The following ATF6B variants were observed in gnomAD, a reference collection of about 807,000 sequenced individuals.
The protein encoded by ATF6B is cyclic AMP-dependent transcription factor ATF-6 beta.
A neutral mutation model predicts 83.5 loss-of-function variants in ATF6B; 50 were observed. The observed-to-expected ratio is 0.60, with a 90% CI of 0.48 to 0.76. The LOEUF (loss-of-function observed/expected upper bound fraction) is 0.76, where lower values mean the gene tolerates loss of function less well. ATF6B is among the 30% of genes least tolerant of loss of function. The pLI, the probability that ATF6B is intolerant of heterozygous loss-of-function variation, is 0.00. For synonymous variants in ATF6B, 344 were observed against 362.8 expected (o/e 0.95, Z 0.59); for missense variants, 790 against 893.8 (o/e 0.88, Z 1.48).
rs1400961695 is a variant in ATF6B, at chr6:32,118,658, G to A, written c.1244+117C>T. 9.8e-7 allele frequency: 1 copy of A among 1,016,660 alleles called. No homozygotes were observed. Among genetic ancestry groups the A allele is most frequent in the South Asian group, 1.4e-5 (1 of 71,618 alleles). The allele number at this position is 1,016,660 out of a possible 1,614,324, so 63.0% of individuals were successfully genotyped here. ...GGCCAGACACATCATCGGTGCCAAGGACACCAGAACCATTTGTATATAAGC... is the reference window on the plus strand; with the variant it reads ...GGCCAGACACATCATCGGTGCCAAGAACACCAGAACCATTTGTATATAAGC... On this transcript the variant is annotated intron_variant, in intron 11 of 17. Transcript: ENST00000375203. This position sits in a 1 kb window ranked among gnomAD's most constrained non-coding sequence, Gnocchi z 5.2.
At chr6:32,127,275 G>T (rs1012312478) in intron 3 of ATF6B, 81 bp from the exon 4 acceptor site, 28 of 1,411,836 alleles carry the variant, frequency 2.0e-5, no homozygotes, top group African/African-American at 1.0e-4. Flanking sequence ...TGTCGGTGGG[G>T]ATTCCTGTAC....
chr6:32,121,215 G>C (rs1781753042), intron 6 of ATF6B, 48 bp downstream of exon 6: 2 of 1,610,830 alleles, frequency 1.2e-6, no homozygotes, highest in Non-Finnish European at 8.5e-7. Context: ...TCTAGGTCAG[G>C]AGGAACTCAC....
rs557710542 is a variant in ATF6B at position 32,118,927 on chromosome 6, T to G, written c.1152+29A>C. 2.8e-5 allele frequency: 45 copies of G among 1,614,144 alleles called. No homozygotes were observed. In the Admixed American group the frequency reaches 3.5e-4, roughly 13 times the overall value. ...TCATTCCAAGGAGGCTGTATTCCTG[T>G]TGGTCTCCCAGGGACAGACTGGTCT... On this transcript the variant is annotated intron_variant, in intron 10 of 17. Coordinates refer to ENST00000375203, the MANE Select transcript of ATF6B (RefSeq NM_004381.5). The surrounding 1 kb of genome is among the most constrained non-coding windows in gnomAD (Gnocchi z 5.2).
At chr6:32,120,519 C>G (rs1260199498) in intron 8 of ATF6B, 1 of 303,586 alleles carries the variant, frequency 3.3e-6, no homozygotes, top group African/African-American at 2.2e-5. Flanking sequence ...GGCATGATCT[C>G]GGCTCACTGC....
rs755062242 is a variant in ATF6B, at chr6:32,116,834, A to C, written c.1686-19T>G. 9.9e-6 allele frequency: 16 copies of C among 1,611,454 alleles called. No individual in the cohort carries two copies. The highest frequency in any genetic ancestry group is 1.4e-5 in the Non-Finnish European group (16 of 1,177,688). ...AGAATCCCTAGGCAGGTGGGGAAAC[A>C]GGATTTGAGGGGAACTAAGCCCAAT... On this transcript the variant is annotated intron_variant, in intron 15 of 17. Transcript: ENST00000375203. This position sits in a 1 kb window ranked among gnomAD's most constrained non-coding sequence, Gnocchi z 5.1.
intron 4 of ATF6B, 25 bp downstream of exon 4, chr6:32,127,078 A>C (rs1415508038): frequency 1.0e-5 from 16 of 1,534,116 alleles, no homozygotes; most frequent in Non-Finnish European, 1.4e-5. Context: ...CGTCACAGAG[A>C]GTAAGAGGGA....
Position 32,116,960 on chromosome 6 carries a change from C to G in ATF6B, c.1685+77G>C. ...TCCCACTGGTGACAGTAATGACAGG[C>G]ACAGGACAGCTACTGGGGGTACAGC... On this transcript the variant is annotated intron_variant, in intron 15 of 17. Coordinates refer to ENST00000375203, the MANE Select transcript of ATF6B (RefSeq NM_004381.5). The surrounding 1 kb of genome is among the most constrained non-coding windows in gnomAD (Gnocchi z 5.1). 6.4e-7 allele frequency: 1 copy of G among 1,557,634 alleles called. No individual in the cohort carries two copies. Among genetic ancestry groups the G allele is most frequent in the South Asian group, 1.1e-5 (1 of 89,276 alleles).
chr6:32,123,118 T>C (rs1781829619), intron 5 of ATF6B, among the ~76,000 whole-genome samples: 2 of 148,846 alleles, frequency 1.3e-5, no homozygotes, highest in South Asian at 4.2e-4. Flanking sequence ...GTCCTAGCTA[T>C]TAGGGGGGCT....
At chr6:32,127,068 C>G in intron 4 of ATF6B, 35 bp downstream of exon 4, 2 of 1,478,408 alleles carry the variant, frequency 1.4e-6, no homozygotes, top group Non-Finnish European at 1.8e-6. Flanking sequence ...GCAGAGTCCC[C>G]GTCACAGAGA....
rs2127349279 is a variant in ATF6B at position 32,127,452 on chromosome 6, C to T, written c.240G>A (p.Pro80=). The part of the protein sequence containing the change: ...SPSEPPWELL[P]IFPDLQVKSE... ...CAAAGACTACCTTACCTGGGAAGAT[C>T]GGCAGGAGTTCCCATGGGGGCTCAG... The change falls in exon 3 of 18, where the codon CCG becomes CCA. Residue 80 remains proline, a synonymous_variant. Transcript: ENST00000375203. 6.2e-7 allele frequency: 1 copy of T among 1,612,028 alleles called. No individual in the cohort carries two copies.
intron 5 of ATF6B, among the ~76,000 whole-genome samples, chr6:32,122,627 T>TTG (rs1222024150): frequency 1.4e-5 from 2 of 140,710 alleles, no homozygotes; most frequent in East Asian, 2.2e-4. Flanking sequence ...GGCAGGTGGA[T>TTG]CACGAGGTCA....
chr6:32,120,803 A>C lies in ATF6B; in HGVS notation c.800T>G (p.Val267Gly). ...TGGCTGGACGAGGGACTGCAGAAGG[A>C]CTGTGGTGCTGGGAGGCACAGCTCT... is the stretch of plus-strand genomic sequence containing the variant. ...PSRAVPPSTTVLLQSLVQPPP... is the reference protein window; with the variant it reads ...PSRAVPPSTTGLLQSLVQPPP... Residue 267 changes from valine (V) to glycine (G), a missense_variant, in exon 8 of 18, where the codon GTC (valine) becomes GGC (glycine). Around this residue, in one of 3 missense-constraint regions of ATF6B, gnomAD observed 530 missense variants for 632.6 expected, o/e 0.84. Transcript: ENST00000375203. The C allele has an allele frequency of 1.2e-6, 2 of 1,610,786 alleles. No homozygotes were observed. The highest frequency in any genetic ancestry group is 1.7e-6 in the Non-Finnish European group (2 of 1,178,258).
At chr6:32,124,890 C>T (rs1246382795) in intron 5 of ATF6B, among the ~76,000 whole-genome samples, 1 of 151,840 alleles carries the variant, frequency 6.6e-6, no homozygotes, top group Non-Finnish European at 1.5e-5. Context: ...CTCTTTTGCC[C>T]AGGATGGAGT....
intron 6 of ATF6B, 67 bp from the exon 7 acceptor site, chr6:32,121,191 A>G: frequency 6.2e-7 from 1 of 1,609,804 alleles, no homozygotes; most frequent in Non-Finnish European, 8.5e-7. Flanking sequence ...TGAAGAAGGG[A>G]AAGCTCTCAT....
At chr6:32,120,483 C>G (rs1285659564) in intron 8 of ATF6B, 3 of 223,502 alleles carry the variant, frequency 1.3e-5, no homozygotes, top group Non-Finnish European at 2.5e-5. Context: ...CAAAGTCTCG[C>G]TTTGTCGCCC....
Position 32,127,191 on chromosome 6 carries a change from A to C in ATF6B, c.254T>G (p.Leu85Arg). The C allele has an allele frequency of 1.2e-6, 2 of 1,608,654 alleles. No individual in the cohort carries two copies. Among genetic ancestry groups the C allele is most frequent in the Non-Finnish European group, 1.7e-6 (2 of 1,177,784 alleles). Residue 85 changes from leucine (L) to arginine (R), a missense_variant, in exon 4 of 18, where the codon CTT becomes CGT. By Grantham distance (102) the Leu-to-Arg change is moderately radical. Coordinates refer to ENST00000375203, the MANE Select transcript of ATF6B (RefSeq NM_004381.5). ...PWELLPIFPD[L>R]QVKSEPSSPC... is the part of the protein sequence containing the mutation. ...GGAAGATGGCTCAGACTTCACCTGA[A>C]GATCTGGAGGAAAGGGAGTTAGAAA...
chr6:32,121,157 G>C (rs1198808576), intron 6 of ATF6B, 33 bp from the exon 7 acceptor site: 3 of 1,608,332 alleles, frequency 1.9e-6, no homozygotes, highest in Non-Finnish European at 2.5e-6. Context: ...ACATTAGTCA[G>C]GAAGAGTGTC....
intron 4 of ATF6B, among the ~76,000 whole-genome samples, chr6:32,126,722 T>C (rs1781994007): frequency 6.6e-6 from 1 of 151,936 alleles, no homozygotes; most frequent in South Asian, 2.1e-4. Flanking sequence ...TAGCCAGACA[T>C]GGTGGCATGT....
chr6:32,127,005 G>C (rs1188783512), intron 4 of ATF6B, 98 bp downstream of exon 4: 1 of 1,142,016 alleles, frequency 8.8e-7, no homozygotes. Context: ...ATGACTCATA[G>C]CACACAAATC....
Sources: gnomAD v4.1 joint callset for allele counts (sites outside exome capture counted in the v4.1 genomes callset) on GRCh38, gnomAD v4.1.1 for gene constraint, gnomAD v4.1.1 regional missense constraint, Gnocchi (gnomAD v3.1) non-coding constraint, MANE v1.5 for transcripts, NCBI Gene and HGNC (gene_info 2026-07-23, HGNC 2026-07-21) for gene names.